The following SMYD4 variants were observed in gnomAD, a reference collection of about 807,000 sequenced individuals.
SMYD4 encodes protein-lysine N-methyltransferase SMYD4.
SMYD4 carries 68 observed loss-of-function variants against 72.8 expected under a neutral mutation model. That is an observed-to-expected ratio of 0.93 (90% CI 0.77 to 1.14). The LOEUF (loss-of-function observed/expected upper bound fraction) is 1.14, where lower values mean the gene tolerates loss of function less well. Ranked by LOEUF, SMYD4 falls within the 50% of genes most tolerant of loss-of-function variation. The pLI, the probability that SMYD4 is intolerant of heterozygous loss-of-function variation, is 0.00. For missense variants in SMYD4, 984 were observed against 1,003.7 expected (o/e 0.98, Z 0.27); for synonymous variants, 407 against 388.6 (o/e 1.05, Z -0.56).
rs890620334 is a variant in SMYD4, at chr17:1,797,863, G to A, written c.1537+1994C>T. Among the ~76,000 whole-genome samples, 16 of 151,960 alleles carry A rather than the reference G, an allele frequency of 1.1e-4. No individual in the cohort carries two copies. The East Asian group carries it at 1.6e-3, about 15-fold the overall frequency. On this transcript the variant is annotated intron_variant, in intron 5 of 10. Transcript: ENST00000305513. ...CTAAAAATACAAAAATTAGCTGGGCGTGGGGGTGCACGCCTGTAATCCCAG... is the reference window on the plus strand; with the variant it reads ...CTAAAAATACAAAAATTAGCTGGGCATGGGGGTGCACGCCTGTAATCCCAG...
intron 6 of SMYD4, 142 bp downstream of exon 6, chr17:1,787,280 G>C (rs1024597202): frequency 1.8e-6 from 2 of 1,109,448 alleles, no homozygotes; most frequent in South Asian, 1.5e-5. Context: ...TCCCTTCCTT[G>C]TTTTTGGCCT....
At chr17:1,786,479 G>T (rs1421591466) in intron 7 of SMYD4, among the ~76,000 whole-genome samples, 1 of 152,158 alleles carries the variant, frequency 6.6e-6, no homozygotes, top group Admixed American at 6.5e-5. Flanking sequence ...CTCCCAAAGT[G>T]CTGGGATAAT....
chr17:1,807,413 G>A (rs1182856681), intron 3 of SMYD4, among the ~76,000 whole-genome samples: 2 of 146,380 alleles, frequency 1.4e-5, no homozygotes, highest in African/African-American at 2.5e-5. Context: ...AAACTTCCGC[G>A]TACCGCCCCC....
intron 3 of SMYD4, among the ~76,000 whole-genome samples, chr17:1,806,081 C>G (rs769586209): frequency 6.6e-6 from 1 of 151,040 alleles, no homozygotes; most frequent in Non-Finnish European, 1.5e-5. Context: ...CCCGCCACCA[C>G]GCCTGGCCAA....
intron 4 of SMYD4, 57 bp downstream of exon 4, chr17:1,804,569 C>G: frequency 6.8e-7 from 1 of 1,461,062 alleles, no homozygotes; most frequent in Non-Finnish European, 9.6e-7. Context: ...AGGTCTAGTC[C>G]TCCAGTAAGA....
At chr17:1,791,153 A>T (rs7226019) in intron 5 of SMYD4, among the ~76,000 whole-genome samples, 108,329 of 146,412 alleles carry the variant, frequency 0.74, 41,028 homozygotes, top group African/African-American at 0.83. Flanking sequence ...GATTCCTTCA[A>T]TGCTGAAGAG....
intron 2 of SMYD4, among the ~76,000 whole-genome samples, chr17:1,826,491 C>CAAAAAAAAAAAAAAA (rs111636314): frequency 4.2e-4 from 43 of 103,058 alleles, no homozygotes; most frequent in Admixed American, 1.0e-3. Context: ...AAACTCTGTC[C>CAAAAAAAAAAAAAAA]AAAAAAAAAA....
At chr17:1,801,966 ACT>A (rs1339696596) in intron 4 of SMYD4, among the ~76,000 whole-genome samples, 1 of 151,442 alleles carries the variant, frequency 6.6e-6, no homozygotes, top group Admixed American at 6.6e-5. Flanking sequence ...ACAGAGCGAC[ACT>A]CTGTCTCAAA....
At chr17:1,828,124 G>A (rs1014972254) in intron 1 of SMYD4, 118 bp from the exon 2 acceptor site, 3 of 950,292 alleles carry the variant, frequency 3.2e-6, no homozygotes, top group Non-Finnish European at 4.7e-6. Flanking sequence ...GCCGAGGTAG[G>A]TGGATCACGA....
At position 1,829,809 on chromosome 17, in the gene SMYD4, G is replaced by A. The variant is rs17338487; in HGVS notation, c.-96C>T. 3.8e-3 allele frequency: 958 copies of A among 253,832 alleles called. 10 individuals carry two copies. The highest frequency in any genetic ancestry group is 0.02 in the African/African-American group (882 of 44,252). The allele number at this position is 253,832 out of a possible 1,614,324, so 15.7% of individuals were successfully genotyped here. ...GAACTGCGCCCTGGTCTCCCTCCCA[G>A]CGCCCGCGCAGCTCCTGGCGCGCCC... On this transcript the variant is annotated 5_prime_UTR_variant, in exon 1 of 11. Coordinates refer to ENST00000305513, the MANE Select transcript of SMYD4 (RefSeq NM_052928.3).
intron 3 of SMYD4, among the ~76,000 whole-genome samples, chr17:1,809,381 AT>A (rs1016469554): frequency 7.1e-4 from 79 of 111,646 alleles, no homozygotes; most frequent in Admixed American, 2.0e-3. Context: ...TATTATTATT[AT>A]TTTTTTTTTT....
chr17:1,801,498 C>T (rs919612109), intron 4 of SMYD4, among the ~76,000 whole-genome samples: 1 of 151,554 alleles, frequency 6.6e-6, no homozygotes, highest in East Asian at 2.0e-4. Context: ...CCTCAGCCTC[C>T]CAAAGTGCTG....
Position 1,800,964 on chromosome 17 carries a change from T to C in SMYD4, c.430A>G (p.Lys144Glu), listed in dbSNP as rs959949537. Residue 144 changes from lysine to glutamate, a missense_variant, in exon 5 of 11, where the codon AAG becomes GAG. By Grantham distance (56) the Lys-to-Glu change is moderately conservative. Transcript: ENST00000305513. ...CATTCTGCTTTACGTAACATAATCT[T>C]GGGTTGCAACCTTTCTGGATACCCA... is the stretch of plus-strand genomic sequence containing the variant. Reference protein sequence around the residue: ...THGYPERLQPKIMLRKAECLV... With the variant: ...THGYPERLQPEIMLRKAECLV... The C allele has an allele frequency of 6.2e-7, 1 of 1,614,132 alleles. No homozygotes were observed. The highest frequency in any genetic ancestry group is 8.5e-7 in the Non-Finnish European group (1 of 1,179,964).
At position 1,815,308 on chromosome 17, in the gene SMYD4, C is replaced by A. The variant is rs547235198; in HGVS notation, c.135-3193G>T. 7.2e-5 allele frequency among the ~76,000 whole-genome samples: 11 copies of A among 152,090 alleles called. No individual in the cohort carries two copies. In the South Asian group the frequency reaches 1.2e-3, roughly 17 times the overall value. On this transcript the variant is annotated intron_variant, in intron 2 of 10. Transcript: ENST00000305513. ...CCAACTCCTAACCTCATGATCCACC[C>A]GCCTTGGCCTCCCAAAGTGCTGGGA...
chr17:1,817,293 C>T (rs1333534766), intron 2 of SMYD4, among the ~76,000 whole-genome samples: 1 of 152,098 alleles, frequency 6.6e-6, no homozygotes, highest in Non-Finnish European at 1.5e-5. Context: ...CTACCTCAGC[C>T]TCCCAAAGTG....
At chr17:1,826,690 T>C (rs1774603642) in intron 2 of SMYD4, among the ~76,000 whole-genome samples, 1 of 152,056 alleles carries the variant, frequency 6.6e-6, no homozygotes, top group Admixed American at 6.6e-5. Context: ...ACGTGAAAGG[T>C]GTGTGTTTCT....
At position 1,783,151 on chromosome 17, in the gene SMYD4, C is replaced by T. The variant is rs756582037; in HGVS notation, c.2145G>A (p.Trp715Ter). The change falls in exon 10 of 11, where the codon TGG becomes TGA. Residue 715 changes from tryptophan (W) to a stop codon, truncating the protein, a stop_gained. Coordinates refer to ENST00000305513, the MANE Select transcript of SMYD4 (RefSeq NM_052928.3). LOFTEE classifies it high-confidence loss of function. ...LARACAALGD[W>*]QKSATHLQRS... ...TCTGTAGATGGGTGGCTGACTTTTG[C>T]CAGTCTCCTGTGAGAAGAGAAAAAT... The T allele has an allele frequency of 3.7e-6, 6 of 1,614,084 alleles. No individual in the cohort carries two copies. In the East Asian group the frequency reaches 1.3e-4, roughly 36 times the overall value.
rs769674542 is a variant in SMYD4, at chr17:1,800,660, C to T, written c.734G>A (p.Arg245His). Residue 245 changes from arginine to histidine, a missense_variant, in exon 5 of 11, where the codon CGC (arginine) becomes CAC (histidine). Arg to His is a conservative substitution (Grantham distance 29, BLOSUM62 0). Coordinates refer to ENST00000305513, the MANE Select transcript of SMYD4 (RefSeq NM_052928.3). ...IGLCVDPLKG[R>H]CLVATKDILP... ...AATATCTTTTGTGGCAACGAGACAGCGACCTTTTAAAGGATCTACGCATAA... is the reference window on the plus strand; with the variant it reads ...AATATCTTTTGTGGCAACGAGACAGTGACCTTTTAAAGGATCTACGCATAA... 6.2e-6 allele frequency: 10 copies of T among 1,614,022 alleles called. No homozygotes were observed. The highest frequency in any genetic ancestry group is 2.7e-5 in the African/African-American group (2 of 74,906).
Position 1,784,199 on chromosome 17 carries a change from T to C in SMYD4, c.2020+127A>G, listed in dbSNP as rs1007376004. On this transcript the variant is annotated intron_variant, in intron 8 of 10. Transcript: ENST00000305513. ...GGACTCACTGGCCTATATAGCCATCTTGTGGCTGGCATGGGGATAATTACA... is the reference window on the plus strand; with the variant it reads ...GGACTCACTGGCCTATATAGCCATCCTGTGGCTGGCATGGGGATAATTACA... The C allele has an allele frequency of 2.8e-6, 4 of 1,449,506 alleles. 1 individual carries two copies. The East Asian group carries it at 6.9e-5, about 25-fold the overall frequency. 89.8% of individuals were successfully genotyped at this position (1,449,506 alleles called of 1,614,324 possible). A position where few individuals can be genotyped will look rare whatever the true frequency, so the allele number is the denominator to read the frequency against.
Sources: allele counts gnomAD v4.1 joint callset (sites outside exome capture counted in the v4.1 genomes callset), GRCh38; gene constraint gnomAD v4.1.1; transcripts MANE v1.5; gene names NCBI Gene and HGNC (gene_info 2026-07-23, HGNC 2026-07-21).